The following SLC25A48 variants were observed in gnomAD, a reference collection of about 807,000 sequenced individuals.
SLC25A48 encodes the protein solute carrier family 25 member 48.
Under a neutral mutation model 32.2 loss-of-function variants are expected in SLC25A48, and 29 were observed. The ratio of observed to expected loss-of-function variants is 0.90; its 90% CI spans 0.67 to 1.23. The LOEUF is 1.23. Ranked by LOEUF, SLC25A48 falls within the 50% of genes most tolerant of loss-of-function variation. SLC25A48 has a pLI of 0.00. For synonymous variants in SLC25A48, 164 were observed against 172.3 expected, an observed-to-expected ratio of 0.95 and a Z score of 0.38; for missense variants, 399 against 422.7, an observed-to-expected ratio of 0.94 and a Z score of 0.49.
chr5:135,712,953 C>T (rs1057252071), intron 3 of SLC25A48, among the ~76,000 whole-genome samples: 2 of 152,242 alleles, frequency 1.3e-5, no homozygotes, highest in Admixed American at 6.5e-5. Context: ...TGCCCAGTCT[C>T]AGGCACCCAC....
intron 2 of SLC25A48, 141 bp downstream of exon 2, chr5:135,842,600 G>A (rs1759101454): frequency 2.5e-6 from 2 of 795,168 alleles, no homozygotes; most frequent in East Asian, 2.5e-5. Flanking sequence ...GGGGGTGTTG[G>A]GTGCCAGGAG....
chr5:135,657,308 C>A (rs1259926918), intron 3 of SLC25A48, among the ~76,000 whole-genome samples: 1 of 152,230 alleles, frequency 6.6e-6, no homozygotes, highest in Non-Finnish European at 1.5e-5. Context: ...ACTGCAGAGA[C>A]AAAGGTGAGA....
chr5:135,592,453 T>G (rs1354822978), intron 1 of SLC25A48, among the ~76,000 whole-genome samples: 1 of 152,206 alleles, frequency 6.6e-6, no homozygotes, highest in Non-Finnish European at 1.5e-5. Flanking sequence ...GTACCAGGAC[T>G]GTATCTGTAG....
chr5:135,734,049 C>T (rs1755293979), intron 3 of SLC25A48, among the ~76,000 whole-genome samples: 1 of 152,112 alleles, frequency 6.6e-6, no homozygotes, highest in Admixed American at 6.5e-5. Flanking sequence ...TCTAAAAGGC[C>T]ATGGTGTAAC....
chr5:135,603,306 C>T (rs1026932633), intron 1 of SLC25A48, among the ~76,000 whole-genome samples: 1 of 152,242 alleles, frequency 6.6e-6, no homozygotes, highest in Non-Finnish European at 1.5e-5. Context: ...GCACCTGCAC[C>T]CTGCAGCCTC....
intron 3 of SLC25A48, among the ~76,000 whole-genome samples, chr5:135,670,793 G>C (rs1753637895): frequency 6.6e-6 from 1 of 152,146 alleles, no homozygotes. Context: ...GCCTGTCTCT[G>C]TCTGTAATTG....
At chr5:135,588,493 G>A (rs1751426441) in intron 1 of SLC25A48, among the ~76,000 whole-genome samples, 1 of 152,234 alleles carries the variant, frequency 6.6e-6, no homozygotes. Context: ...CAGAGGCTCG[G>A]CAGGATGTCT....
At chr5:135,624,869 T>C (rs1185148656) in intron 1 of SLC25A48, among the ~76,000 whole-genome samples, 1 of 152,244 alleles carries the variant, frequency 6.6e-6, no homozygotes, top group Non-Finnish European at 1.5e-5. Flanking sequence ...TGGAACACTG[T>C]CGATCCCAAT....
chr5:135,816,574 G>T (rs1347802183), intron 4 of SLC25A48, among the ~76,000 whole-genome samples: 1 of 152,094 alleles, frequency 6.6e-6, no homozygotes, highest in Non-Finnish European at 1.5e-5. Flanking sequence ...TTATTCATAA[G>T]AAATAAAATA....
intron 3 of SLC25A48, among the ~76,000 whole-genome samples, chr5:135,796,010 G>GGT (rs1384487725): frequency 4.8e-4 from 11 of 23,026 alleles, no homozygotes; most frequent in South Asian, 2.3e-3. Context: ...AGTATCGCGA[G>GGT]GGGGGGGTGG....
chr5:135,665,249 C>T (rs767256065), intron 3 of SLC25A48, among the ~76,000 whole-genome samples: 5 of 152,034 alleles, frequency 3.3e-5, no homozygotes, highest in Non-Finnish European at 7.4e-5. Context: ...TTCTTGTCAT[C>T]TGCCCACTTT....
chr5:135,774,422 G>A (rs929456571), intron 3 of SLC25A48, among the ~76,000 whole-genome samples: 1 of 151,594 alleles, frequency 6.6e-6, no homozygotes, highest in Non-Finnish European at 1.5e-5. Flanking sequence ...TCCCAATATC[G>A]CAGAGGGTGT....
chr5:135,814,482 C>T (rs1218763184), intron 4 of SLC25A48, among the ~76,000 whole-genome samples: 2 of 152,186 alleles, frequency 1.3e-5, no homozygotes, highest in African/African-American at 2.4e-5. Context: ...CTGCTTCTTC[C>T]AGGATGGGTC....
At chr5:135,717,137 G>A (rs947433710) in intron 3 of SLC25A48, among the ~76,000 whole-genome samples, 1 of 152,190 alleles carries the variant, frequency 6.6e-6, no homozygotes, top group Non-Finnish European at 1.5e-5. Context: ...GATGTCGCTA[G>A]CATCAGGGAG....
chr5:135,811,869 G>T (rs1254654236), intron 3 of SLC25A48, among the ~76,000 whole-genome samples: 1 of 152,164 alleles, frequency 6.6e-6, no homozygotes, highest in Non-Finnish European at 1.5e-5. Flanking sequence ...ATCACCTGAG[G>T]TCAGGAGTTT....
At chr5:135,610,688 A>G (rs1478011322) in intron 1 of SLC25A48, among the ~76,000 whole-genome samples, 1 of 152,202 alleles carries the variant, frequency 6.6e-6, no homozygotes, top group Non-Finnish European at 1.5e-5. Flanking sequence ...AAGCATGATT[A>G]TGTTTACTTT....
At chr5:135,642,735 T>C (rs962410357) in intron 3 of SLC25A48, among the ~76,000 whole-genome samples, 1 of 152,158 alleles carries the variant, frequency 6.6e-6, no homozygotes, top group African/African-American at 2.4e-5. Flanking sequence ...AGTGGTTTGG[T>C]CAAACCTGGC....
At chr5:135,583,366 C>T (rs1173772917) in intron 1 of SLC25A48, among the ~76,000 whole-genome samples, 2 of 152,058 alleles carry the variant, frequency 1.3e-5, no homozygotes, top group Non-Finnish European at 2.9e-5. Context: ...CCTCCTTGGT[C>T]TGCTTAGAAA....
intron 3 of SLC25A48, among the ~76,000 whole-genome samples, chr5:135,666,531 A>T (rs1407450807): frequency 6.6e-6 from 1 of 152,088 alleles, no homozygotes; most frequent in Non-Finnish European, 1.5e-5. Context: ...CTTGGGGGGA[A>T]CTTCTAGAAA....
Sources: allele counts gnomAD v4.1 joint callset (sites outside exome capture counted in the v4.1 genomes callset), GRCh38; gene constraint gnomAD v4.1.1; transcripts MANE v1.5; gene names NCBI Gene and HGNC (gene_info 2026-07-23, HGNC 2026-07-21).